PKIA: variants seen among roughly 807,000 people sequenced by gnomAD.
The protein encoded by PKIA is PKI-alpha.
Under a neutral mutation model 7.6 loss-of-function variants are expected in PKIA, and 4 were observed. The ratio of observed to expected loss-of-function variants is 0.52; its 90% CI spans 0.26 to 1.20. The LOEUF (loss-of-function observed/expected upper bound fraction) is 1.20, where lower values mean the gene tolerates loss of function less well. Among genes scored for constraint, PKIA ranks in the 50% most tolerant of loss-of-function variants. The probability of loss-of-function intolerance (pLI) is 0.13; values close to 1 mark genes in which losing one functional copy is unlikely to be tolerated. For synonymous variants in PKIA, 21 were observed against 30.7 expected, an observed-to-expected ratio of 0.68 and a Z score of 1.04; for missense variants, 73 against 86.2, an observed-to-expected ratio of 0.85 and a Z score of 0.61.
intron 1 of PKIA, among the ~76,000 whole-genome samples, chr8:78,561,461 GT>G (rs896779030): frequency 1.3e-4 from 19 of 144,952 alleles, no homozygotes; most frequent in South Asian, 4.4e-4. Context: ...AAGTTTTTTT[GT>G]TTTTTTTTTT....
intron 1 of PKIA, among the ~76,000 whole-genome samples, chr8:78,548,545 A>G (rs1164113578): frequency 1.3e-5 from 2 of 152,150 alleles, no homozygotes; most frequent in Admixed American, 6.6e-5. Context: ...TGATACATAC[A>G]TCCACCTCAC....
intron 1 of PKIA, among the ~76,000 whole-genome samples, chr8:78,561,143 G>A (rs7844853): frequency 2.0e-5 from 3 of 151,862 alleles, no homozygotes; most frequent in Admixed American, 6.6e-5. Context: ...TCTGAGATAG[G>A]GGGCTTTAAG....
intron 2 of PKIA, among the ~76,000 whole-genome samples, chr8:78,586,657 A>G (rs527260967): frequency 1.3e-5 from 2 of 152,338 alleles, no homozygotes; most frequent in South Asian, 4.1e-4. Flanking sequence ...TGAGATATCA[A>G]TAGACTATCA....
intron 1 of PKIA, among the ~76,000 whole-genome samples, chr8:78,540,805 A>G (rs1806667583): frequency 6.6e-6 from 1 of 151,898 alleles, no homozygotes; most frequent in African/African-American, 2.4e-5. Context: ...TGTATTACAT[A>G]TAATTATTAC....
intron 1 of PKIA, among the ~76,000 whole-genome samples, chr8:78,527,500 CTT>C (rs1806274152): frequency 6.6e-6 from 1 of 151,878 alleles, no homozygotes; most frequent in Non-Finnish European, 1.5e-5. Flanking sequence ...TGTGAAAAAT[CTT>C]TGTTTCCAGA....
chr8:78,516,847 TG>T (rs1303070614), intron 1 of PKIA, among the ~76,000 whole-genome samples: 2 of 152,196 alleles, frequency 1.3e-5, no homozygotes, highest in African/African-American at 4.8e-5. Flanking sequence ...GGCAGCAGCC[TG>T]AGGTAATCAG....
intron 2 of PKIA, among the ~76,000 whole-genome samples, chr8:78,574,992 T>G (rs1402066): frequency 0.24 from 36,651 of 151,826 alleles, 5,159 homozygotes; most frequent in African/African-American, 0.39. Flanking sequence ...TAGCTGAAAG[T>G]TCTCTAAGTA....
chr8:78,553,813 A>G (rs932537603), intron 1 of PKIA, among the ~76,000 whole-genome samples: 2 of 151,660 alleles, frequency 1.3e-5, no homozygotes, highest in African/African-American at 4.8e-5. Flanking sequence ...AGAGTTTTAT[A>G]ACACCACAAA....
intron 2 of PKIA, among the ~76,000 whole-genome samples, chr8:78,579,479 C>T (rs940940445): frequency 2.6e-5 from 4 of 151,968 alleles, no homozygotes; most frequent in Non-Finnish European, 4.4e-5. Context: ...AAGACTTTTC[C>T]AGCATTAGGA....
intron 1 of PKIA, chr8:78,534,171 G>C (rs1806460543): frequency 6.6e-6 from 1 of 152,072 alleles, no homozygotes; most frequent in Non-Finnish European, 1.5e-5. Context: ...GGTTATTCCA[G>C]TGATAAAAAT....
At chr8:78,527,086 T>C (rs1036284243) in intron 1 of PKIA, among the ~76,000 whole-genome samples, 2 of 152,056 alleles carry the variant, frequency 1.3e-5, no homozygotes, top group Non-Finnish European at 2.9e-5. Context: ...TTATTGCAGT[T>C]GGTAGAGTCT....
chr8:78,524,283 A>T (rs576597021), intron 1 of PKIA, among the ~76,000 whole-genome samples: 24 of 147,912 alleles, frequency 1.6e-4, no homozygotes, highest in Non-Finnish European at 3.0e-4. Context: ...AGGTATAATC[A>T]CTGGAGAATA....
chr8:78,568,652 C>T (rs1395063710), intron 1 of PKIA, among the ~76,000 whole-genome samples: 2 of 152,126 alleles, frequency 1.3e-5, no homozygotes, highest in African/African-American at 4.8e-5. Flanking sequence ...CCACATAGCT[C>T]AGACAGGGCA....
intron 1 of PKIA, among the ~76,000 whole-genome samples, chr8:78,523,610 T>C (rs1167287497): frequency 6.6e-6 from 1 of 151,856 alleles, no homozygotes; most frequent in Non-Finnish European, 1.5e-5. Context: ...CTCTCCATGA[T>C]CTTTCATACA....
intron 1 of PKIA, among the ~76,000 whole-genome samples, chr8:78,562,769 C>A (rs574162168): frequency 7.9e-5 from 12 of 152,128 alleles, no homozygotes; most frequent in Admixed American, 2.6e-4. Flanking sequence ...CACCCTCCCC[C>A]ACCCCACTCC....
At chr8:78,552,190 A>G (rs1807000114) in intron 1 of PKIA, among the ~76,000 whole-genome samples, 1 of 152,012 alleles carries the variant, frequency 6.6e-6, no homozygotes, top group South Asian at 2.1e-4. Flanking sequence ...TTTCAAAACA[A>G]TATGGCTTGA....
intron 1 of PKIA, among the ~76,000 whole-genome samples, chr8:78,524,030 A>ATAT: frequency 7.6e-6 from 1 of 131,636 alleles, no homozygotes; most frequent in South Asian, 2.2e-4. Flanking sequence ...ACGTTTATAT[A>ATAT]AACGTTTATA....
At chr8:78,572,770 T>A (rs1807583765) in intron 1 of PKIA, 41 bp from the exon 2 acceptor site, 1 of 151,714 alleles carries the variant, frequency 6.6e-6, no homozygotes, top group South Asian at 2.1e-4. Context: ...GAAACTTATA[T>A]GTACAGATAA....
At chr8:78,545,742 A>G (rs952766290) in intron 1 of PKIA, among the ~76,000 whole-genome samples, 45 of 152,084 alleles carry the variant, frequency 3.0e-4, no homozygotes, top group Non-Finnish European at 5.0e-4. Context: ...TGAAGACTCA[A>G]TTATGTGTTT....
Sources: allele counts gnomAD v4.1 joint callset (sites outside exome capture counted in the v4.1 genomes callset), GRCh38; gene constraint gnomAD v4.1.1; transcripts MANE v1.5; gene names NCBI Gene and HGNC (gene_info 2026-07-23, HGNC 2026-07-21).